The following BRD8 variants were observed in gnomAD, a reference collection of about 807,000 sequenced individuals.
The protein encoded by BRD8 is bromodomain-containing protein 8.
BRD8 carries 67 observed loss-of-function variants against 143.1 expected under a neutral mutation model. The ratio of observed to expected loss-of-function variants is 0.47; its 90% CI spans 0.38 to 0.57. BRD8 has a LOEUF of 0.57. Ranked by LOEUF, BRD8 falls within the 20% of genes least tolerant of loss-of-function variation. BRD8 has a pLI of 0.00. For synonymous variants in BRD8, 505 were observed against 517.1 expected, an observed-to-expected ratio of 0.98 and a Z score of 0.32; for missense variants, 1,103 against 1,503.0, an observed-to-expected ratio of 0.73 and a Z score of 4.40.
chr5:138,153,979 T>C (rs1254338560), intron 20 of BRD8, among the ~76,000 whole-genome samples: 1 of 152,104 alleles, frequency 6.6e-6, no homozygotes, highest in Non-Finnish European at 1.5e-5. Context: ...CCCGACCCCA[T>C]CACCATTTTC....
At chr5:138,163,424 G>A in intron 14 of BRD8, 80 bp from the exon 15 acceptor site, 1 of 1,530,324 alleles carries the variant, frequency 6.5e-7, no homozygotes. Context: ...CTGTCTTTTG[G>A]GTTAGAATTA....
chr5:138,174,868 T>C (rs555186709), intron 2 of BRD8, among the ~76,000 whole-genome samples: 53 of 151,516 alleles, frequency 3.5e-4, no homozygotes, highest in African/African-American at 1.2e-3. Flanking sequence ...TTCCTGTATG[T>C]GTGACAAAAA....
At position 138,157,172 on chromosome 5, in the gene BRD8, T is replaced by A. The variant is rs770898724; in HGVS notation, c.2577+2383A>T. 7 of 1,610,504 alleles carry A rather than the reference T, an allele frequency of 4.3e-6. No homozygotes were observed. In the Admixed American group the frequency reaches 1.2e-4, roughly 27 times the overall value. Reference sequence around the variant, plus strand: ...CCAAGCTCTATCTTGTTTACTTTTATTTTAGGTTCGGCTCAAAGAGGGTAA... The same window carrying A: ...CCAAGCTCTATCTTGTTTACTTTTAATTTAGGTTCGGCTCAAAGAGGGTAA... On this transcript the variant is annotated intron_variant, in intron 20 of 26. Coordinates refer to ENST00000254900, the MANE Select transcript of BRD8 (RefSeq NM_139199.2).
At chr5:138,176,060 A>G (rs1053744927) in intron 2 of BRD8, among the ~76,000 whole-genome samples, 11 of 152,182 alleles carry the variant, frequency 7.2e-5, no homozygotes, top group African/African-American at 2.4e-4. Context: ...AGCATTATTC[A>G]TAATGGCCAA....
At chr5:138,158,457 A>G (rs1752753418) in intron 20 of BRD8, among the ~76,000 whole-genome samples, 1 of 151,864 alleles carries the variant, frequency 6.6e-6, no homozygotes, top group South Asian at 2.1e-4. Flanking sequence ...TTTTTGTTTG[A>G]GACAGAGTTT....
In BRD8 at chr5:138,165,101, T is replaced by G. The variant is rs1753295995; in HGVS notation, c.1344A>C (p.Glu448Asp). ...AVEAALSFCE[E>D]NDDPQSLPGP... ...CAGGCAGGGACTGAGGATCATCATT[T>G]TCTTCACAAAATGACAGTGCTGCTT... is the stretch of plus-strand genomic sequence containing the variant. The change falls in exon 12 of 27, where the codon GAA becomes GAC. Residue 448 changes from glutamate to aspartate, a missense_variant. Physicochemically the swap from Glu to Asp is conservative, Grantham distance 45 (BLOSUM62 2). Coordinates refer to ENST00000254900, the MANE Select transcript of BRD8 (RefSeq NM_139199.2). 2 of 1,614,156 alleles carry G rather than the reference T, an allele frequency of 1.2e-6. No homozygotes were observed. Among genetic ancestry groups the G allele is most frequent in the Non-Finnish European group, 8.5e-7 (1 of 1,180,022 alleles).
At chr5:138,148,177 GAAAAA>G (rs1222621756) in intron 23 of BRD8, among the ~76,000 whole-genome samples, 1 of 105,794 alleles carries the variant, frequency 9.5e-6, no homozygotes, top group Non-Finnish European at 2.0e-5. Context: ...AAAAAAAAAA[GAAAAA>G]AAAAAGGGAA....
intron 19 of BRD8, 62 bp from the exon 20 acceptor site, chr5:138,159,661 A>G: frequency 6.6e-7 from 1 of 1,526,316 alleles, no homozygotes; most frequent in Non-Finnish European, 9.1e-7. Context: ...CAAGCACCCC[A>G]AACCTCAGGA....
chr5:138,170,570 C>T, intron 6 of BRD8, 161 bp from the exon 7 acceptor site: 3 of 839,954 alleles, frequency 3.6e-6, no homozygotes, highest in Non-Finnish European at 6.2e-6. Flanking sequence ...GGTATACTGC[C>T]TAACTCCCAG....
At chr5:138,156,999 A>T in intron 20 of BRD8, 1 of 1,416,314 alleles carries the variant, frequency 7.1e-7, no homozygotes. Flanking sequence ...CTAGCTACAC[A>T]TTAGGACATT....
chr5:138,161,815 A>AG lies in BRD8; in HGVS notation c.2229dup (p.Tyr744LeufsTer15). On this transcript the variant is annotated frameshift_variant, in exon 17 of 27. Transcript: ENST00000254900. LOFTEE classifies it high-confidence loss of function. ...GCTCACCTCTGCACAATGCTGTGGT[A>AG]GCCAGGTGCTATGTCATCTGTAACA... The AG allele has an allele frequency of 6.2e-7, 1 of 1,614,190 alleles. No individual in the cohort carries two copies. Among genetic ancestry groups the AG allele is most frequent in the African/African-American group, 1.3e-5 (1 of 75,070 alleles).
At chr5:138,142,093 C>T (rs907224130) in intron 25 of BRD8, among the ~76,000 whole-genome samples, 1 of 152,164 alleles carries the variant, frequency 6.6e-6, no homozygotes. Context: ...AGTGCTCTGC[C>T]TTCATGAATG....
chr5:138,140,845 TAGAG>T lies in BRD8; in HGVS notation c.3471_3474del (p.Ser1158ArgfsTer14). The stretch of plus-strand genomic sequence containing the variant: ...TGGGCCATGGTGCGAATCCGACCCT[TAGAG>T]AGATTTCTCTTCAGGCTAGTTAAGT... On this transcript the variant is annotated frameshift_variant, in exon 26 of 27. Coordinates refer to ENST00000254900, the MANE Select transcript of BRD8 (RefSeq NM_139199.2). LOFTEE classifies it high-confidence loss of function. The T allele has an allele frequency of 1.9e-6, 3 of 1,614,174 alleles. No homozygotes were observed. Among genetic ancestry groups the T allele is most frequent in the Non-Finnish European group, 2.5e-6 (3 of 1,180,034 alleles).
At chr5:138,173,471 C>A (rs1311446512) in intron 2 of BRD8, among the ~76,000 whole-genome samples, 1 of 151,934 alleles carries the variant, frequency 6.6e-6, no homozygotes, top group Non-Finnish European at 1.5e-5. Context: ...GATTCTATTT[C>A]AAACCAGTTT....
In BRD8 at chr5:138,161,787, A is replaced by G; in HGVS notation, c.2249+9T>C. The stretch of plus-strand genomic sequence containing the variant: ...GGCAAGTTACCATGCTGGGTGGACC[A>G]TGGCTCACCTCTGCACAATGCTGTG... On this transcript the variant is annotated intron_variant, in intron 17 of 26. Coordinates refer to ENST00000254900, the MANE Select transcript of BRD8 (RefSeq NM_139199.2). 6.2e-7 allele frequency: 1 copy of G among 1,611,734 alleles called. No individual in the cohort carries two copies. The highest frequency in any genetic ancestry group is 8.5e-7 in the Non-Finnish European group (1 of 1,178,276).
intron 3 of BRD8, among the ~76,000 whole-genome samples, chr5:138,171,667 A>C (rs891171876): frequency 1.3e-5 from 2 of 152,206 alleles, no homozygotes; most frequent in African/African-American, 4.8e-5. Context: ...ATTTATAGCT[A>C]ATATCTACCA....
chr5:138,150,807 C>G lies in BRD8; in HGVS notation c.3058G>C (p.Glu1020Gln). 2 of 1,614,250 alleles carry G rather than the reference C, an allele frequency of 1.2e-6. No individual in the cohort carries two copies. The highest frequency in any genetic ancestry group is 1.7e-6 in the Non-Finnish European group (2 of 1,180,042). The change falls in exon 22 of 27, where the codon GAG (glutamate) becomes CAG (glutamine). Residue 1020 changes from glutamate to glutamine, a missense_variant. Coordinates refer to ENST00000254900, the MANE Select transcript of BRD8 (RefSeq NM_139199.2). The part of the protein sequence containing the change: ...EKPLGENGKP[E>Q]VASAPSVICT... ...ATAACTGAGGGAGCTGAAGCCACCT[C>G]TGGCTTTCCATTTTCTCCCAGTGGC...
chr5:138,171,506 A>C, intron 3 of BRD8, 96 bp from the exon 4 acceptor site: 2 of 810,668 alleles, frequency 2.5e-6, no homozygotes, highest in East Asian at 4.9e-5. Context: ...GATTTAGAGA[A>C]GAGAACTATA....
chr5:138,163,214 T>A lies in BRD8; in HGVS notation c.2003A>T (p.Asp668Val). 3 of 1,614,096 alleles carry A rather than the reference T, an allele frequency of 1.9e-6. No homozygotes were observed. Among genetic ancestry groups the A allele is most frequent in the Non-Finnish European group, 2.5e-6 (3 of 1,180,028 alleles). ...AGCATTGTGTATGCTGAAGCCATCA[T>A]CACTCTCGCTCACAGGAGGTTCATT... ...MDNEPPVSES[D>V]DGFSIHNATL... Residue 668 changes from aspartate to valine, a missense_variant, in exon 15 of 27, where the codon GAT becomes GTT. Physicochemically the swap from Asp to Val is radical, Grantham distance 152 (BLOSUM62 -3). Around this residue, in one of 7 missense-constraint regions of BRD8, gnomAD observed 75 missense variants for 111.7 expected, o/e 0.67. Coordinates refer to ENST00000254900, the MANE Select transcript of BRD8 (RefSeq NM_139199.2).
Sources: gnomAD v4.1 joint callset for allele counts (sites outside exome capture counted in the v4.1 genomes callset) on GRCh38, gnomAD v4.1.1 for gene constraint, gnomAD v4.1.1 regional missense constraint, MANE v1.5 for transcripts, NCBI Gene and HGNC (gene_info 2026-07-23, HGNC 2026-07-21) for gene names.